Variants in GPHN observed in about 807,000 individuals in gnomAD.
GPHN encodes the protein gephyrin.
GPHN carries 17 observed loss-of-function variants against 95.5 expected under a neutral mutation model. The observed-to-expected ratio is 0.18, with a 90% CI of 0.12 to 0.27. The LOEUF (loss-of-function observed/expected upper bound fraction) is 0.27, where lower values mean the gene tolerates loss of function less well. Among genes scored for constraint, GPHN ranks in the 10% least tolerant of loss-of-function variants. The pLI is 1.00. For synonymous variants in GPHN, 320 were observed against 322.5 expected (o/e 0.99, Z 0.08); for missense variants, 660 against 978.1 (o/e 0.67, Z 4.34).
intron 1 of GPHN, among the ~76,000 whole-genome samples, chr14:66,511,055 G>A (rs771320195): frequency 1.3e-5 from 2 of 152,146 alleles, no homozygotes; most frequent in Non-Finnish European, 1.5e-5. Context: ...AGTAACTCAG[G>A]CTTTTTCTTG....
the GPHN span, chr14:67,592,117 C>A: frequency 5.7e-6 from 1 of 174,140 alleles, no homozygotes; most frequent in Non-Finnish European, 1.2e-5. Flanking sequence ...GCAGAAGTTG[C>A]TATATATTTG....
At chr14:66,550,437 A>G (rs2059768369) in intron 1 of GPHN, among the ~76,000 whole-genome samples, 2 of 152,194 alleles carry the variant, frequency 1.3e-5, no homozygotes, top group Admixed American at 6.5e-5. Flanking sequence ...CTTCTTATGG[A>G]TAAGTAAAGA....
intron 4 of GPHN, among the ~76,000 whole-genome samples, chr14:66,840,211 G>T (rs1304318404): frequency 6.6e-6 from 1 of 152,096 alleles, no homozygotes; most frequent in Non-Finnish European, 1.5e-5. Context: ...CCCAGTAGGT[G>T]GAGGTTGCAA....
rs1420824089 is a variant in GPHN at position 66,932,808 on chromosome 14, G to A, written c.828+8516G>A. ...GCCTTTCTGGCCCAAGGCAAGTCTA[G>A]ACATGCCCTCCAGGAGCTAAGGTTA... On this transcript the variant is annotated intron_variant, in intron 8 of 22. Coordinates refer to ENST00000478722, the MANE Select transcript of GPHN (RefSeq NM_020806.5). 2.6e-5 allele frequency among the ~76,000 whole-genome samples: 4 copies of A among 152,072 alleles called. No individual in the cohort carries two copies. The South Asian group carries it at 8.3e-4, about 32-fold the overall frequency.
chr14:67,152,748 C>T (rs1425826303), intron 18 of GPHN, among the ~76,000 whole-genome samples: 1 of 150,328 alleles, frequency 6.7e-6, no homozygotes, highest in Non-Finnish European at 1.5e-5. Flanking sequence ...GGGCAGATCA[C>T]GAGGTCAGGA....
chr14:66,777,706 G>A (rs542744360), intron 3 of GPHN, among the ~76,000 whole-genome samples: 4 of 152,274 alleles, frequency 2.6e-5, no homozygotes, highest in African/African-American at 7.2e-5. Context: ...CATATAAACA[G>A]AGCCAAAGAC....
intron 4 of GPHN, among the ~76,000 whole-genome samples, chr14:66,847,234 C>T (rs1004770957): frequency 4.6e-5 from 7 of 152,174 alleles, no homozygotes; most frequent in Non-Finnish European, 7.4e-5. Context: ...ATAGAAATTA[C>T]GACCAGATTT....
chr14:66,956,502 C>G (rs2068514246), intron 8 of GPHN, among the ~76,000 whole-genome samples: 1 of 151,888 alleles, frequency 6.6e-6, no homozygotes, highest in Non-Finnish European at 1.5e-5. Context: ...GTCCCACCAA[C>G]AGTGTAAAAG....
intron 8 of GPHN, among the ~76,000 whole-genome samples, chr14:66,944,443 T>C (rs1196359921): frequency 6.6e-6 from 1 of 152,232 alleles, no homozygotes. Context: ...AGTTTGCTAC[T>C]GACCATATGG....
intron 18 of GPHN, 81 bp downstream of exon 18, chr14:67,143,530 C>G: frequency 1.1e-6 from 1 of 891,294 alleles, no homozygotes; most frequent in Admixed American, 1.7e-5. Flanking sequence ...TGGTAGGCAT[C>G]TGATATTCAT....
At chr14:67,367,089 T>A in the GPHN span, among the ~76,000 whole-genome samples, 2 of 152,146 alleles carry the variant, frequency 1.3e-5, no homozygotes, top group Non-Finnish European at 2.9e-5. Context: ...CTCTGGTTTG[T>A]CCCTGAACTA....
intron 1 of GPHN, among the ~76,000 whole-genome samples, chr14:66,625,071 T>C (rs1163260108): frequency 6.6e-6 from 1 of 152,124 alleles, no homozygotes; most frequent in Non-Finnish European, 1.5e-5. Flanking sequence ...ATCTGGAAAC[T>C]TGTCTTTTTT....
the GPHN span, among the ~76,000 whole-genome samples, chr14:67,379,654 CTTTTTTTTT>C: frequency 1.7e-5 from 2 of 119,956 alleles, no homozygotes; most frequent in East Asian, 3.0e-4. Flanking sequence ...TTTTCTTTTT[CTTTTTTTTT>C]TTTTTTTTTG....
the GPHN span, chr14:67,646,574 ACG>A: frequency 4.0e-6 from 5 of 1,263,364 alleles, no homozygotes; most frequent in African/African-American, 1.5e-5. Context: ...ATACCCACGG[ACG>A]CACATGATAA....
intron 12 of GPHN, among the ~76,000 whole-genome samples, chr14:67,099,475 A>C (rs1287256646): frequency 1.3e-5 from 2 of 152,126 alleles, no homozygotes; most frequent in Non-Finnish European, 2.9e-5. Flanking sequence ...AAATGGCTTA[A>C]TAAAATAACA....
downstream of GPHN, among the ~76,000 whole-genome samples, chr14:67,185,976 A>G (rs1256677261): frequency 6.6e-6 from 1 of 152,236 alleles, no homozygotes; most frequent in African/African-American, 2.4e-5. Context: ...CATGTTTATA[A>G]GAAGCATTAT....
intron 18 of GPHN, among the ~76,000 whole-genome samples, chr14:67,158,163 T>G (rs1453575931): frequency 6.6e-6 from 1 of 151,316 alleles, no homozygotes; most frequent in Non-Finnish European, 1.5e-5. Flanking sequence ...AAAAATTAGC[T>G]GGGCGTAGTG....
At chr14:66,632,481 A>C (rs763513614) in intron 1 of GPHN, among the ~76,000 whole-genome samples, 14 of 146,512 alleles carry the variant, frequency 9.6e-5, no homozygotes, top group Non-Finnish European at 1.9e-4. Context: ...CCTTTCTTAC[A>C]ATACATTCTT....
intron 12 of GPHN, among the ~76,000 whole-genome samples, chr14:67,097,328 G>C (rs1305644548): frequency 1.3e-5 from 2 of 152,320 alleles, no homozygotes; most frequent in East Asian, 3.9e-4. Flanking sequence ...AGTAGTGGAA[G>C]TAGCACATGT....
Sources: allele counts gnomAD v4.1 joint callset (sites outside exome capture counted in the v4.1 genomes callset), GRCh38; gene constraint gnomAD v4.1.1; transcripts MANE v1.5; gene names NCBI Gene and HGNC (gene_info 2026-07-23, HGNC 2026-07-21).